The following VRK2 variants were observed in gnomAD, a reference collection of about 807,000 sequenced individuals.
The protein encoded by VRK2 is VRK serine/threonine kinase 2.
VRK2 carries 60 observed loss-of-function variants against 57.6 expected under a neutral mutation model. The ratio of observed to expected loss-of-function variants is 1.04; its 90% CI spans 0.85 to 1.29. The LOEUF (loss-of-function observed/expected upper bound fraction) is 1.29, where lower values mean the gene tolerates loss of function less well. Ranked by LOEUF, VRK2 falls within the 50% of genes most tolerant of loss-of-function variation. The pLI is 0.00. For synonymous variants in VRK2, 231 were observed against 199.2 expected, an observed-to-expected ratio of 1.16 and a Z score of -1.35; for missense variants, 705 against 588.1, an observed-to-expected ratio of 1.20 and a Z score of -2.06.
chr2:58,086,569 G>C (rs980499137), intron 5 of VRK2, 143 bp downstream of exon 5: 69 of 627,296 alleles, frequency 1.1e-4, no homozygotes, highest in Non-Finnish European at 1.7e-4. Context: ...CTGTGAGTGA[G>C]GAGACTGCAA....
intron 1 of VRK2, among the ~76,000 whole-genome samples, chr2:57,997,929 A>C (rs1182567315): frequency 6.6e-6 from 1 of 152,126 alleles, no homozygotes; most frequent in African/African-American, 2.4e-5. Flanking sequence ...AGGAGGAAAA[A>C]AGAAAGAAAT....
At chr2:58,024,659 T>C (rs1215950734) in intron 1 of VRK2, among the ~76,000 whole-genome samples, 1 of 152,196 alleles carries the variant, frequency 6.6e-6, no homozygotes, top group Admixed American at 6.5e-5. Flanking sequence ...CACAGATCCA[T>C]TTAGAGCAAA....
At chr2:58,067,995 T>C (rs558899400) in intron 2 of VRK2, among the ~76,000 whole-genome samples, 1 of 152,064 alleles carries the variant, frequency 6.6e-6, no homozygotes, top group African/African-American at 2.4e-5. Flanking sequence ...AGTGGCACAA[T>C]CTTGGCTCAC....
chr2:57,984,843 A>G (rs978077902), intron 1 of VRK2, among the ~76,000 whole-genome samples: 5 of 152,088 alleles, frequency 3.3e-5, no homozygotes, highest in Non-Finnish European at 7.4e-5. Flanking sequence ...AATTATTAAA[A>G]GGGATCATTA....
intron 1 of VRK2, among the ~76,000 whole-genome samples, chr2:57,996,437 C>A (rs1672925161): frequency 6.6e-6 from 1 of 152,178 alleles, no homozygotes; most frequent in Non-Finnish European, 1.5e-5. Context: ...CTGACCAGAG[C>A]CAAGGGCTCC....
chr2:58,118,712 G>C (rs757588909), intron 7 of VRK2, among the ~76,000 whole-genome samples: 3 of 152,182 alleles, frequency 2.0e-5, no homozygotes, highest in African/African-American at 4.8e-5. Flanking sequence ...ATGTGTGTCC[G>C]TGTGAAGAGA....
chr2:58,079,526 G>C (rs1480347300), intron 2 of VRK2, among the ~76,000 whole-genome samples: 2 of 151,452 alleles, frequency 1.3e-5, no homozygotes, highest in South Asian at 2.1e-4. Context: ...ATTTATTTCA[G>C]CTGCAGGAAA....
chr2:58,043,817 G>C (rs1674563355), upstream of VRK2, among the ~76,000 whole-genome samples: 1 of 152,194 alleles, frequency 6.6e-6, no homozygotes, highest in South Asian at 2.1e-4. Context: ...CTGTTTTCCA[G>C]AGTGGCTGTA....
chr2:57,930,907 T>C (rs931010778), intron 1 of VRK2, among the ~76,000 whole-genome samples: 19 of 152,212 alleles, frequency 1.2e-4, no homozygotes, highest in Admixed American at 1.2e-3. Context: ...TCTATATTTT[T>C]GCAAATGAGA....
At chr2:57,987,700 A>G (rs906000657) in intron 1 of VRK2, among the ~76,000 whole-genome samples, 1 of 152,176 alleles carries the variant, frequency 6.6e-6, no homozygotes, top group Admixed American at 6.5e-5. Flanking sequence ...AAACCTATAT[A>G]TGAATATTTG....
chr2:58,050,920 C>G (rs575739257), intron 2 of VRK2, among the ~76,000 whole-genome samples: 81 of 152,060 alleles, frequency 5.3e-4, no homozygotes, highest in Non-Finnish European at 1.0e-3. Flanking sequence ...TCTCGGCCCA[C>G]TGCAACCTCC....
At chr2:58,044,428 C>A (rs1276123251), upstream of VRK2, among the ~76,000 whole-genome samples, 1 of 152,180 alleles carries the variant, frequency 6.6e-6, no homozygotes, top group African/African-American at 2.4e-5. Flanking sequence ...TTGCCCATAT[C>A]CTTTCTAGGG....
intron 7 of VRK2, among the ~76,000 whole-genome samples, chr2:58,120,117 C>T (rs1310510385): frequency 6.6e-6 from 1 of 150,562 alleles, no homozygotes; most frequent in South Asian, 2.1e-4. Flanking sequence ...TGGACTGAAA[C>T]AGTCAGTAAA....
intron 11 of VRK2, among the ~76,000 whole-genome samples, chr2:58,142,492 G>C (rs1029921504): frequency 6.6e-6 from 1 of 151,468 alleles, no homozygotes; most frequent in South Asian, 2.1e-4. Context: ...AATCTTTTGG[G>C]GTATTTGCCT....
chr2:58,047,026 C>G (rs963422516), intron 1 of VRK2, 158 bp downstream of exon 1: 3 of 957,930 alleles, frequency 3.1e-6, no homozygotes, highest in African/African-American at 1.8e-5. Flanking sequence ...CGGGCAGAGT[C>G]GCTGCTTCCG....
chr2:58,072,184 A>G lies in VRK2; in HGVS notation c.137-11905A>G, dbSNP rs539382727. Reference sequence around the variant, plus strand: ...GGAGTTTTTTCTTTGATTCTTCTGGATTTTCAATGTATAAGATCATGTCAT... The same window carrying G: ...GGAGTTTTTTCTTTGATTCTTCTGGGTTTTCAATGTATAAGATCATGTCAT... On this transcript the variant is annotated intron_variant, in intron 2 of 12. Transcript: ENST00000340157. Among the ~76,000 whole-genome samples the G allele has an allele frequency of 4.6e-5, 7 of 151,982 alleles. No individual in the cohort carries two copies. In the East Asian group the frequency reaches 1.4e-3, roughly 29 times the overall value.
intron 2 of VRK2, among the ~76,000 whole-genome samples, chr2:58,030,890 C>T (rs1442309165): frequency 6.6e-6 from 1 of 151,966 alleles, no homozygotes; most frequent in African/African-American, 2.4e-5. Flanking sequence ...CCTGAGATAC[C>T]ATGTAAGAAG....
intron 1 of VRK2, among the ~76,000 whole-genome samples, chr2:58,006,688 T>C (rs934685814): frequency 2.6e-5 from 4 of 152,100 alleles, no homozygotes; most frequent in African/African-American, 9.7e-5. Flanking sequence ...AAGGTGGGTA[T>C]GGTTACTGTG....
intron 1 of VRK2, among the ~76,000 whole-genome samples, chr2:57,982,941 G>C (rs1406844905): frequency 6.6e-6 from 1 of 152,172 alleles, no homozygotes; most frequent in Non-Finnish European, 1.5e-5. Flanking sequence ...AGATGTCTTT[G>C]GGTGTTGTGG....
Sources: gnomAD v4.1 joint callset for allele counts (sites outside exome capture counted in the v4.1 genomes callset) on GRCh38, gnomAD v4.1.1 for gene constraint, MANE v1.5 for transcripts, NCBI Gene and HGNC (gene_info 2026-07-23, HGNC 2026-07-21) for gene names.